UCP1: variants seen among roughly 807,000 people sequenced by gnomAD.
UCP1 encodes mitochondrial brown fat uncoupling protein 1.
A neutral mutation model predicts 26.2 loss-of-function variants in UCP1; 24 were observed. That is an observed-to-expected ratio of 0.92 (90% CI 0.66 to 1.29). The LOEUF is 1.29. UCP1 is among the 50% of genes most tolerant of loss of function. UCP1 has a pLI of 0.00. For synonymous variants in UCP1, 164 were observed against 156.8 expected, an observed-to-expected ratio of 1.05 and a Z score of -0.34; for missense variants, 402 against 388.7, an observed-to-expected ratio of 1.03 and a Z score of -0.29.
chr4:140,559,555 C>T lies in UCP1; in HGVS notation c.*341G>A, dbSNP rs1010838725. 2 of 215,804 alleles carry T rather than the reference C, an allele frequency of 9.3e-6. No individual in the cohort carries two copies. Among genetic ancestry groups the T allele is most frequent in the African/African-American group, 2.3e-5 (1 of 42,998 alleles). 13.4% of individuals were successfully genotyped at this position (215,804 alleles called of 1,614,324 possible). On this transcript the variant is annotated 3_prime_UTR_variant, in exon 6 of 6. Transcript: ENST00000262999. Reference sequence around the variant, plus strand: ...ATATAAACTGCATTTCACTCAGTTTCTTTTCCACCAGTTGGAATTGTAATT... The same window carrying T: ...ATATAAACTGCATTTCACTCAGTTTTTTTTCCACCAGTTGGAATTGTAATT...
Position 140,563,379 on chromosome 4 carries a change from C to T in UCP1, c.465G>A (p.Thr155=), listed in dbSNP as rs192333501. 11 of 1,614,084 alleles carry T rather than the reference C, an allele frequency of 6.8e-6. No individual in the cohort carries two copies. Among genetic ancestry groups the T allele is most frequent in the South Asian group, 3.3e-5 (3 of 91,084 alleles). ...SHLHGIKPRY[T]GTYNAYRIIA... ...TTATTCTGTACGCATTATAAGTCCC[C>T]GTGTAGCGAGGTTTGATTCCGTGGA... The change falls in exon 3 of 6, where the codon ACG becomes ACA. Residue 155 remains threonine (T), a synonymous_variant. Coordinates refer to ENST00000262999, the MANE Select transcript of UCP1 (RefSeq NM_021833.5).
rs374031496 is a variant in UCP1 at position 140,563,223 on chromosome 4, A to C, written c.527-12T>G. 3.1e-6 allele frequency: 5 copies of C among 1,613,112 alleles called. No individual in the cohort carries two copies. Among genetic ancestry groups the C allele is most frequent in the Non-Finnish European group, 4.2e-6 (5 of 1,179,586 alleles). ...ATTGGGAGTAGTCCCTGGGGAAAAA[A>C]AAAAAGAAAATGTTTATTAACTCTA... On this transcript the variant is annotated splice_polypyrimidine_tract_variant and intron_variant, in intron 3 of 5. Transcript: ENST00000262999.
At chr4:140,562,965 CAA>C in intron 4 of UCP1, 143 bp downstream of exon 4, 3 of 718,380 alleles carry the variant, frequency 4.2e-6, no homozygotes, top group South Asian at 3.7e-5. Flanking sequence ...CTGCTTCTCA[CAA>C]AGTTATATAT....
intron 2 of UCP1, among the ~76,000 whole-genome samples, chr4:140,566,964 G>T (rs1735813667): frequency 6.6e-6 from 1 of 152,204 alleles, no homozygotes; most frequent in African/African-American, 2.4e-5. Context: ...CCCCCTCCCA[G>T]CTGTGTGACC....
rs760410315 is a variant in UCP1 at position 140,563,091 on chromosome 4, A to C, written c.628+19T>G. ...TTCTAAAGGTGCAGACCTGTTTGTT[A>C]TATGAAATGGGAAGTTACCTGCTAA... On this transcript the variant is annotated intron_variant, in intron 4 of 5. Coordinates refer to ENST00000262999, the MANE Select transcript of UCP1 (RefSeq NM_021833.5). The C allele has an allele frequency of 1.9e-5, 31 of 1,594,764 alleles. No homozygotes were observed. The highest frequency in any genetic ancestry group is 2.7e-5 in the Non-Finnish European group (31 of 1,162,842).
At chr4:140,560,826 T>C (rs1735662356) in intron 5 of UCP1, among the ~76,000 whole-genome samples, 1 of 151,940 alleles carries the variant, frequency 6.6e-6, no homozygotes, top group Admixed American at 6.6e-5. Context: ...CCACTATCCA[T>C]CTCTAGAACC....
Position 140,563,353 on chromosome 4 carries a change from A to G in UCP1, c.491T>C (p.Ile164Thr), listed in dbSNP as rs1419803642. 8 of 1,613,982 alleles carry G rather than the reference A, an allele frequency of 5.0e-6. No individual in the cohort carries two copies. Among genetic ancestry groups the G allele is most frequent in the African/African-American group, 2.7e-5 (2 of 74,904 alleles). Residue 164 changes from isoleucine (I) to threonine (T), a missense_variant, in exon 3 of 6, where the codon ATA becomes ACA. Transcript: ENST00000262999. Reference sequence around the variant, plus strand: ...ACCCGTCAAGCCTTCGGTTGTTGCTATTATTCTGTACGCATTATAAGTCCC... The same window carrying G: ...ACCCGTCAAGCCTTCGGTTGTTGCTGTTATTCTGTACGCATTATAAGTCCC... ...YTGTYNAYRI[I>T]ATTEGLTGLW...
At chr4:140,563,281 C>T in intron 3 of UCP1, 37 bp downstream of exon 3, 1 of 1,613,216 alleles carries the variant, frequency 6.2e-7, no homozygotes, top group Non-Finnish European at 8.5e-7. Flanking sequence ...TATGTATGTG[C>T]TTTGGTGGTT....
At chr4:140,568,573 G>A (rs1465166059) in intron 1 of UCP1, 31 bp downstream of exon 1, 3 of 1,613,326 alleles carry the variant, frequency 1.9e-6, no homozygotes, top group African/African-American at 1.3e-5. Flanking sequence ...TCTGTCCTGA[G>A]ACCCCTTGTC....
intron 1 of UCP1, among the ~76,000 whole-genome samples, chr4:140,568,237 T>C (rs976853304): frequency 6.6e-6 from 1 of 151,554 alleles, no homozygotes; most frequent in African/African-American, 2.4e-5. Context: ...CCAGAACCCC[T>C]AGGGCAGTAG....
At position 140,559,856 on chromosome 4, in the gene UCP1, A is replaced by G; in HGVS notation, c.*40T>C. 5.4e-6 allele frequency: 8 copies of G among 1,490,188 alleles called. 1 individual carries two copies. Among genetic ancestry groups the G allele is most frequent in the Non-Finnish European group, 7.5e-6 (8 of 1,067,404 alleles). 92.3% of individuals were successfully genotyped at this position (1,490,188 alleles called of 1,614,324 possible). On this transcript the variant is annotated 3_prime_UTR_variant, in exon 6 of 6. Transcript: ENST00000262999. Reference sequence around the variant, plus strand: ...GTTTGTTTTTATGATCCAGTCAGCAAGATTCCCACTGGTATGTTACATCAT... The same window carrying G: ...GTTTGTTTTTATGATCCAGTCAGCAGGATTCCCACTGGTATGTTACATCAT...
intron 2 of UCP1, among the ~76,000 whole-genome samples, chr4:140,564,676 A>G (rs1735758457): frequency 6.6e-6 from 1 of 152,200 alleles, no homozygotes; most frequent in African/African-American, 2.4e-5. Flanking sequence ...AGCTGGGCAT[A>G]TGACTGACAG....
chr4:140,563,354 T>C lies in UCP1; in HGVS notation c.490A>G (p.Ile164Val). 6.2e-7 allele frequency: 1 copy of C among 1,614,204 alleles called. No individual in the cohort carries two copies. Among genetic ancestry groups the C allele is most frequent in the Non-Finnish European group, 8.5e-7 (1 of 1,180,026 alleles). The change falls in exon 3 of 6, where the codon ATA becomes GTA. Residue 164 changes from isoleucine (I) to valine (V), a missense_variant. Ile to Val is a conservative substitution (Grantham distance 29). Transcript: ENST00000262999. ...YTGTYNAYRIIATTEGLTGLW... is the reference protein window; with the variant it reads ...YTGTYNAYRIVATTEGLTGLW... ...CCCGTCAAGCCTTCGGTTGTTGCTA[T>C]TATTCTGTACGCATTATAAGTCCCC...
intron 2 of UCP1, among the ~76,000 whole-genome samples, chr4:140,564,441 A>G (rs565553947): frequency 6.6e-6 from 1 of 152,208 alleles, no homozygotes; most frequent in Non-Finnish European, 1.5e-5. Context: ...AGTAAACATA[A>G]AATTAAGGTT....
intron 5 of UCP1, among the ~76,000 whole-genome samples, chr4:140,561,628 C>G (rs1374864049): frequency 6.6e-6 from 1 of 152,192 alleles, no homozygotes; most frequent in South Asian, 2.1e-4. Context: ...TGCGAGCCAC[C>G]ACGCCGAGCC....
intron 4 of UCP1, among the ~76,000 whole-genome samples, 160 bp downstream of exon 4, chr4:140,562,950 T>G (rs957525702): frequency 2.6e-5 from 4 of 152,212 alleles, no homozygotes; most frequent in Admixed American, 2.6e-4. Flanking sequence ...TATTTTGGTC[T>G]TTTCCTGCTT....
intron 5 of UCP1, 79 bp from the exon 6 acceptor site, chr4:140,560,089 G>A: frequency 1.2e-5 from 14 of 1,201,254 alleles, no homozygotes; most frequent in Non-Finnish European, 1.7e-5. Flanking sequence ...GCTTCACCCT[G>A]CCGCCCAGGC....
chr4:140,563,539 T>A (rs778831738), intron 2 of UCP1, 21 bp from the exon 3 acceptor site: 1 of 1,605,466 alleles, frequency 6.2e-7, no homozygotes, highest in Non-Finnish European at 8.5e-7. Flanking sequence ...AGAAAAAAAA[T>A]TATTAAGAAA....
At chr4:140,564,053 AAAACAC>A (rs1162503515) in intron 2 of UCP1, among the ~76,000 whole-genome samples, 2 of 152,232 alleles carry the variant, frequency 1.3e-5, no homozygotes, top group African/African-American at 4.8e-5. Flanking sequence ...AAGGAACAAG[AAAACAC>A]AATGCTTATT....
Sources: allele counts gnomAD v4.1 joint callset (sites outside exome capture counted in the v4.1 genomes callset), GRCh38; gene constraint gnomAD v4.1.1; transcripts MANE v1.5; gene names NCBI Gene and HGNC (gene_info 2026-07-23, HGNC 2026-07-21).